Variants in HORMAD1 observed in about 807,000 individuals in gnomAD.
HORMAD1 encodes HORMA domain-containing protein 1.
Under a neutral mutation model 58.2 loss-of-function variants are expected in HORMAD1, and 33 were observed. That is an observed-to-expected ratio of 0.57 (90% confidence interval 0.43 to 0.76). The LOEUF (loss-of-function observed/expected upper bound fraction) is 0.76. HORMAD1 is among the 30% of genes least tolerant of loss of function. The pLI is 0.00. For synonymous variants in HORMAD1, 137 were observed against 144.6 expected, an observed-to-expected ratio of 0.95 and a Z score of 0.38; for missense variants, 363 against 462.0, an observed-to-expected ratio of 0.79 and a Z score of 1.96.
In HORMAD1 at chr1:150,706,454, C is replaced by T. The variant is rs1651693170; in HGVS notation, c.804+99G>A. 3.8e-6 allele frequency: 4 copies of T among 1,049,588 alleles called. No individual in the cohort carries two copies. The South Asian group carries it at 4.8e-5, about 13-fold the overall frequency. 65.0% of individuals were successfully genotyped at this position (1,049,588 alleles called of 1,614,324 possible). A position where few individuals can be genotyped will look rare whatever the true frequency, so the allele number is the denominator to read the frequency against. On this transcript the variant is annotated intron_variant, in intron 10 of 14. Coordinates refer to ENST00000361824, the MANE Select transcript of HORMAD1 (RefSeq NM_032132.5). ...CAACCTTGAGTTTATGATTATAATACAGAATTTACACAAATGTTAATGGGA... is the reference window on the plus strand; with the variant it reads ...CAACCTTGAGTTTATGATTATAATATAGAATTTACACAAATGTTAATGGGA...
At chr1:150,713,429 T>C (rs1240290694) in intron 5 of HORMAD1, among the ~76,000 whole-genome samples, 1 of 152,036 alleles carries the variant, frequency 6.6e-6, no homozygotes, top group East Asian at 1.9e-4. Context: ...ATTAATCTTC[T>C]TGAGGCTGAG....
intron 13 of HORMAD1, among the ~76,000 whole-genome samples, chr1:150,702,870 C>T (rs890063486): frequency 3.9e-5 from 6 of 152,062 alleles, no homozygotes; most frequent in African/African-American, 4.8e-5. Context: ...CAAACCTGCA[C>T]GTCCTGCACA....
intron 4 of HORMAD1, 94 bp from the exon 5 acceptor site, chr1:150,714,215 A>G (rs1651994997): frequency 1.4e-6 from 1 of 734,268 alleles, no homozygotes; most frequent in South Asian, 2.0e-5. Flanking sequence ...TTACTAAATA[A>G]TACAAAAATG....
At chr1:150,706,465 C>G in intron 10 of HORMAD1, 88 bp downstream of exon 10, 1 of 1,111,342 alleles carries the variant, frequency 9.0e-7, no homozygotes, top group South Asian at 1.5e-5. Flanking sequence ...AGAATTTACA[C>G]AAATGTTAAT....
At chr1:150,701,355 T>C (rs1381323978) in intron 13 of HORMAD1, among the ~76,000 whole-genome samples, 1 of 152,174 alleles carries the variant, frequency 6.6e-6, no homozygotes, top group Non-Finnish European at 1.5e-5. Context: ...AGATACTCAT[T>C]TGAATGCTGC....
chr1:150,713,052 T>C (rs183614175), intron 5 of HORMAD1, among the ~76,000 whole-genome samples: 3 of 152,258 alleles, frequency 2.0e-5, no homozygotes, highest in Admixed American at 2.0e-4. Flanking sequence ...AAACTTCCAA[T>C]TCTTTGCATT....
intron 5 of HORMAD1, among the ~76,000 whole-genome samples, chr1:150,712,384 T>C (rs1651930464): frequency 6.6e-6 from 1 of 152,104 alleles, no homozygotes; most frequent in African/African-American, 2.4e-5. Context: ...ACAAATCCAA[T>C]CACTTCTACT....
At position 150,711,526 on chromosome 1, in the gene HORMAD1, G is replaced by A; in HGVS notation, c.327+19C>T. 1 of 1,562,972 alleles carries A rather than the reference G, an allele frequency of 6.4e-7. No homozygotes were observed. The highest frequency in any genetic ancestry group is 8.8e-7 in the Non-Finnish European group (1 of 1,135,384). ...ATATTAGAGGCATTATGTTTCTTTA[G>A]TAACTCAAGCACACTTACCTGAGGA... is the stretch of plus-strand genomic sequence containing the variant. On this transcript the variant is annotated intron_variant, in intron 7 of 14. Coordinates refer to ENST00000361824, the MANE Select transcript of HORMAD1 (RefSeq NM_032132.5).
intron 1 of HORMAD1, 104 bp from the exon 2 acceptor site, chr1:150,719,642 A>C (rs1004164887): frequency 3.7e-6 from 2 of 539,092 alleles, no homozygotes; most frequent in Non-Finnish European, 6.5e-6. Context: ...AATAAATTTG[A>C]ATTTCTTTAA....
intron 2 of HORMAD1, among the ~76,000 whole-genome samples, chr1:150,718,400 C>T (rs1367158047): frequency 6.8e-6 from 1 of 146,020 alleles, no homozygotes; most frequent in Non-Finnish European, 1.5e-5. Flanking sequence ...CCCAGGCTGA[C>T]CTCAAACTCT....
chr1:150,705,521 G>C (rs1382923892), intron 10 of HORMAD1, among the ~76,000 whole-genome samples: 1 of 126,384 alleles, frequency 7.9e-6, no homozygotes, highest in Non-Finnish European at 1.8e-5. Flanking sequence ...GTGAAACTCT[G>C]TCTCAAAAAA....
chr1:150,700,500 A>G (rs56057831), intron 13 of HORMAD1, among the ~76,000 whole-genome samples: 1 of 152,084 alleles, frequency 6.6e-6, no homozygotes, highest in East Asian at 1.9e-4. Flanking sequence ...ATACTATATG[A>G]TTCACCCATT....
In HORMAD1 at chr1:150,719,521, T is replaced by C. The variant is rs1195765564; in HGVS notation, c.-16A>G. The C allele has an allele frequency of 1.3e-6, 2 of 1,568,510 alleles. No homozygotes were observed. Among genetic ancestry groups the C allele is most frequent in the Non-Finnish European group, 1.7e-6 (2 of 1,154,624 alleles). Reference sequence around the variant, plus strand: ...CAGTGGCCATCTTCTTCTGATAAAGTATTTTCTTTAATTCAACCTTGTGAC... The same window carrying C: ...CAGTGGCCATCTTCTTCTGATAAAGCATTTTCTTTAATTCAACCTTGTGAC... On this transcript the variant is annotated 5_prime_UTR_variant, in exon 2 of 15. It adds an upstream start codon to the 5' untranslated region. Transcript: ENST00000361824.
chr1:150,720,093 G>A (rs1487600946), intron 1 of HORMAD1, among the ~76,000 whole-genome samples: 2 of 121,734 alleles, frequency 1.6e-5, no homozygotes, highest in Non-Finnish European at 3.6e-5. Flanking sequence ...TTTTTTTTTC[G>A]AGACGGTGTC....
chr1:150,711,620 G>T (rs765573068), intron 6 of HORMAD1, 49 bp from the exon 7 acceptor site: 3 of 1,393,570 alleles, frequency 2.2e-6, no homozygotes, highest in Non-Finnish European at 3.0e-6. Context: ...AAGTATTCAA[G>T]AACTAAATTA....
chr1:150,711,959 C>T (rs1310037179), intron 5 of HORMAD1, 106 bp from the exon 6 acceptor site: 10 of 774,088 alleles, frequency 1.3e-5, no homozygotes, highest in Admixed American at 2.3e-5. Context: ...TTCCTAATAA[C>T]AAATAATCAT....
chr1:150,720,674 T>A (rs587677545), intron 1 of HORMAD1, 130 bp downstream of exon 1: 1 of 152,348 alleles, frequency 6.6e-6, no homozygotes, highest in South Asian at 2.1e-4. Flanking sequence ...TGGGTATACA[T>A]TTTTACCGCA....
At chr1:150,716,027 A>C (rs893346074) in intron 3 of HORMAD1, among the ~76,000 whole-genome samples, 4 of 152,044 alleles carry the variant, frequency 2.6e-5, no homozygotes, top group Admixed American at 2.0e-4. Context: ...GGGATAAATA[A>C]AATGTGGTAC....
chr1:150,719,471 A>G lies in HORMAD1; in HGVS notation c.33+2T>C. 1 of 1,563,100 alleles carries G rather than the reference A, an allele frequency of 6.4e-7. No individual in the cohort carries two copies. The highest frequency in any genetic ancestry group is 8.7e-7 in the Non-Finnish European group (1 of 1,145,168). On this transcript the variant is annotated splice_donor_variant, in intron 2 of 14. Coordinates refer to ENST00000361824, the MANE Select transcript of HORMAD1 (RefSeq NM_032132.5). LOFTEE classifies it high-confidence loss of function. ...GATATACCAAAATACAAGAAATCAT[A>G]CCATGGGAGTCCTCTGCAACTGGGC...
Sources: allele counts gnomAD v4.1 joint callset (sites outside exome capture counted in the v4.1 genomes callset), GRCh38; gene constraint gnomAD v4.1.1; transcripts MANE v1.5; gene names NCBI Gene and HGNC (gene_info 2026-07-23, HGNC 2026-07-21).